KCNQ5: variants seen among roughly 807,000 people sequenced by gnomAD.
KCNQ5 encodes potassium voltage-gated channel subfamily KQT member 5.
A neutral mutation model predicts 98.2 loss-of-function variants in KCNQ5; 30 were observed. That is an observed-to-expected ratio of 0.31 (90% CI 0.23 to 0.41). The LOEUF (loss-of-function observed/expected upper bound fraction) is 0.41. Among genes scored for constraint, KCNQ5 ranks in the 10% least tolerant of loss-of-function variants. The pLI is 1.00. For missense variants in KCNQ5, 835 were observed against 1,182.5 expected, an observed-to-expected ratio of 0.71 and a Z score of 4.31; for synonymous variants, 458 against 449.4, an observed-to-expected ratio of 1.02 and a Z score of -0.24.
At chr6:72,897,791 TG>T in intron 1 of KCNQ5, among the ~76,000 whole-genome samples, 1 of 152,236 alleles carries the variant, frequency 6.6e-6, no homozygotes, top group Non-Finnish European at 1.5e-5. Context: ...ATGGCTTTGT[TG>T]GGGATGGGGG....
At chr6:72,713,271 C>G (rs1769465289) in intron 1 of KCNQ5, among the ~76,000 whole-genome samples, 1 of 152,142 alleles carries the variant, frequency 6.6e-6, no homozygotes. Context: ...TCCAGGCGTC[C>G]CAAACGTGAC....
intron 1 of KCNQ5, among the ~76,000 whole-genome samples, chr6:72,843,008 T>C (rs1330582132): frequency 6.6e-6 from 1 of 152,240 alleles, no homozygotes; most frequent in Non-Finnish European, 1.5e-5. Context: ...TTGTCAATAT[T>C]GGCTTTCGTT....
chr6:73,055,257 C>A, intron 3 of KCNQ5: 1 of 1,304,764 alleles, frequency 7.7e-7, no homozygotes, highest in Non-Finnish European at 1.1e-6. Flanking sequence ...ATCTGCTTCA[C>A]CTCATTGCAG....
intron 2 of KCNQ5, among the ~76,000 whole-genome samples, chr6:73,021,208 T>C (rs567062338): frequency 6.6e-6 from 1 of 152,328 alleles, no homozygotes; most frequent in South Asian, 2.1e-4. Flanking sequence ...GGATGGTCTA[T>C]AACGGTGTTC....
Position 73,131,586 on chromosome 6 carries a change from AC to A in KCNQ5, c.1248-1834del, listed in dbSNP as rs1160291399. The stretch of plus-strand genomic sequence containing the variant: ...TGTTGAAACTAAAAAGAGATTTGAA[AC>A]TTTTACAATTTAAAAAAAAAAAAAG... On this transcript the variant is annotated intron_variant, in intron 9 of 13. Coordinates refer to ENST00000370398, the MANE Select transcript of KCNQ5 (RefSeq NM_019842.4). Among the ~76,000 whole-genome samples, 35 of 82,400 alleles carry A rather than the reference AC, an allele frequency of 4.2e-4. 1 individual carries two copies. The East Asian group carries it at 0.01, about 24-fold the overall frequency. 54.1% of individuals were successfully genotyped at this position (82,400 alleles called of 152,430 possible).
intron 10 of KCNQ5, among the ~76,000 whole-genome samples, chr6:73,153,860 G>A (rs768161569): frequency 1.3e-5 from 2 of 150,768 alleles, no homozygotes; most frequent in Non-Finnish European, 2.9e-5. Flanking sequence ...TAATCCCAGT[G>A]CTAAGTTATG....
In KCNQ5 at chr6:73,120,553, C is replaced by T. The variant is rs1328544114; in HGVS notation, c.1196C>T (p.Ala399Val). 1.2e-6 allele frequency: 2 copies of T among 1,611,402 alleles called. No individual in the cohort carries two copies. Among genetic ancestry groups the T allele is most frequent in the Non-Finnish European group, 1.7e-6 (2 of 1,178,126 alleles). ...SIATWKPHLK[A>V]LHTCSPTKKE... is the part of the protein sequence containing the mutation. ...GCAACCTGGAAGCCACACTTGAAGG[C>T]CTTGCACACCTGCAGCCCTACCAAG... Residue 399 changes from alanine to valine, a missense_variant, in exon 8 of 14, where the codon GCC (alanine) becomes GTC (valine). Physicochemically the swap from Ala to Val is moderately conservative, Grantham distance 64. Transcript: ENST00000370398.
intron 1 of KCNQ5, among the ~76,000 whole-genome samples, chr6:72,804,535 T>C (rs576586020): frequency 8.6e-5 from 13 of 152,022 alleles, no homozygotes; most frequent in Non-Finnish European, 1.8e-4. Context: ...TAGTACTCTA[T>C]AGTGTGCCAT....
At chr6:72,662,534 T>C (rs1202463303) in intron 1 of KCNQ5, among the ~76,000 whole-genome samples, 1 of 152,042 alleles carries the variant, frequency 6.6e-6, no homozygotes, top group African/African-American at 2.4e-5. Context: ...AATTAAAAAT[T>C]AAATAATATT....
intron 3 of KCNQ5, chr6:73,055,128 A>T (rs1772413541): frequency 1.3e-6 from 1 of 760,090 alleles, no homozygotes; most frequent in African/African-American, 1.7e-5. Context: ...CAGATCCAGC[A>T]CAGCGAGAGT....
chr6:72,871,554 G>A (rs1005469417), intron 1 of KCNQ5, among the ~76,000 whole-genome samples: 38 of 152,284 alleles, frequency 2.5e-4, no homozygotes, highest in Middle Eastern at 3.4e-3. Context: ...TTTACTTTGA[G>A]TATAATAACT....
At position 73,030,508 on chromosome 6, in the gene KCNQ5, AAC is replaced by A. The variant is rs1771095747; in HGVS notation, c.490-11424_490-11423del. Among the ~76,000 whole-genome samples, 4 of 152,384 alleles carry A rather than the reference AAC, an allele frequency of 2.6e-5. No individual in the cohort carries two copies. The East Asian group carries it at 7.7e-4, about 29-fold the overall frequency. ...TGCCACAAAGTACATTTACACCAAT[AAC>A]ACATACTTTGGTAATGGGAAAAATA... On this transcript the variant is annotated intron_variant, in intron 2 of 13. Coordinates refer to ENST00000370398, the MANE Select transcript of KCNQ5 (RefSeq NM_019842.4).
chr6:73,024,971 T>C (rs1307653310), intron 2 of KCNQ5, among the ~76,000 whole-genome samples: 1 of 152,214 alleles, frequency 6.6e-6, no homozygotes, highest in Non-Finnish European at 1.5e-5. Flanking sequence ...TCTTAATATT[T>C]TGAACACTCA....
At chr6:72,859,319 G>T (rs977877070) in intron 1 of KCNQ5, among the ~76,000 whole-genome samples, 5 of 152,226 alleles carry the variant, frequency 3.3e-5, no homozygotes, top group East Asian at 3.9e-4. Context: ...TCTATTGATA[G>T]AAATTATATT....
In KCNQ5 at chr6:73,195,074, C is replaced by T. The variant is rs1180519906; in HGVS notation, c.2459C>T (p.Pro820Leu). 6.2e-7 allele frequency: 1 copy of T among 1,614,084 alleles called. No individual in the cohort carries two copies. Among genetic ancestry groups the T allele is most frequent in the Non-Finnish European group, 8.5e-7 (1 of 1,180,028 alleles). The change falls in exon 14 of 14, where the codon CCC becomes CTC. Residue 820 changes from proline (P) to leucine (L), a missense_variant. Pro to Leu is a moderately conservative substitution (Grantham distance 98). Coordinates refer to ENST00000370398, the MANE Select transcript of KCNQ5 (RefSeq NM_019842.4). ...MGGETLLSVC[P>L]MVPKDLGKSL... is the part of the protein sequence containing the mutation. ...GGAGAAACTCTGTTGTCTGTCTGTCCCATGGTGCCGAAGGACTTGGGCAAA... is the reference window on the plus strand; with the variant it reads ...GGAGAAACTCTGTTGTCTGTCTGTCTCATGGTGCCGAAGGACTTGGGCAAA...
intron 2 of KCNQ5, among the ~76,000 whole-genome samples, chr6:73,033,122 G>T (rs1771225460): frequency 6.6e-6 from 1 of 152,018 alleles, no homozygotes; most frequent in African/African-American, 2.4e-5. Flanking sequence ...ACTAGTAACT[G>T]GGATGCATAG....
At chr6:73,093,398 A>C (rs534180598) in intron 5 of KCNQ5, among the ~76,000 whole-genome samples, 16 of 151,888 alleles carry the variant, frequency 1.1e-4, no homozygotes, top group African/African-American at 3.4e-4. Flanking sequence ...GTTTGTTTCA[A>C]ATTCATTTGG....
intron 10 of KCNQ5, chr6:73,157,519 A>G (rs1777413462): frequency 1.4e-6 from 1 of 721,336 alleles, no homozygotes; most frequent in African/African-American, 1.7e-5. Context: ...CTGAAGAACT[A>G]ACAGAACTGA....
At chr6:72,932,204 A>C (rs1250731860) in intron 1 of KCNQ5, among the ~76,000 whole-genome samples, 1 of 152,070 alleles carries the variant, frequency 6.6e-6, no homozygotes, top group Non-Finnish European at 1.5e-5. Context: ...AATATGAATT[A>C]TAAATCTGTC....
Sources: gnomAD v4.1 joint callset for allele counts (sites outside exome capture counted in the v4.1 genomes callset) on GRCh38, gnomAD v4.1.1 for gene constraint, MANE v1.5 for transcripts, NCBI Gene and HGNC (gene_info 2026-07-23, HGNC 2026-07-21) for gene names.